Variants in NRG1 observed in about 807,000 individuals in gnomAD.
NRG1 encodes the protein neuregulin 1, also known as pro-neuregulin-1, membrane-bound isoform.
Under a neutral mutation model 63.8 loss-of-function variants are expected in NRG1, and 18 were observed. That is an observed-to-expected ratio of 0.28 (90% CI 0.19 to 0.42). The LOEUF (loss-of-function observed/expected upper bound fraction) is 0.42, where lower values mean the gene tolerates loss of function less well. NRG1 is among the 10% of genes least tolerant of loss of function. NRG1 has a pLI of 1.00. For missense variants in NRG1, 762 were observed against 814.7 expected (o/e 0.94, Z 0.79); for synonymous variants, 302 against 301.3 (o/e 1.00, Z -0.02).
At chr8:32,707,753 TA>T (rs1816792343) in intron 5 of NRG1, among the ~76,000 whole-genome samples, 1 of 151,858 alleles carries the variant, frequency 6.6e-6, no homozygotes, top group Non-Finnish European at 1.5e-5. Flanking sequence ...GGAATGTACT[TA>T]AAAAAATTAA....
At chr8:32,555,644 T>C (rs1488056626) in intron 1 of NRG1, among the ~76,000 whole-genome samples, 1 of 152,248 alleles carries the variant, frequency 6.6e-6, no homozygotes, top group South Asian at 2.1e-4. Flanking sequence ...GCTGATTTTT[T>C]GTATTTCTAG....
At chr8:31,786,431 G>A (rs1215342610) in intron 1 of NRG1, among the ~76,000 whole-genome samples, 2 of 152,182 alleles carry the variant, frequency 1.3e-5, no homozygotes, top group Admixed American at 6.5e-5. Flanking sequence ...CAGTTCTGCA[G>A]CTGACACTAG....
Position 31,689,190 on chromosome 8 carries a change from C to A in NRG1, c.37+49759C>A, listed in dbSNP as rs188076038. Among the ~76,000 whole-genome samples the A allele has an allele frequency of 1.9e-3, 294 of 152,262 alleles. 2 individuals carry two copies. The highest frequency in any genetic ancestry group is 6.5e-3 in the Admixed American group (100 of 15,282). On this transcript the variant is annotated intron_variant, in intron 1 of 10. Coordinates refer to the NRG1 transcript ENST00000519301. ...TGATTAACAATCTAAATTCCATATG[C>A]ACCTTTCTTACCACTTGCCATGTAA...
chr8:31,997,027 C>T (rs181990816), intron 1 of NRG1, among the ~76,000 whole-genome samples: 219 of 151,880 alleles, frequency 1.4e-3, no homozygotes, highest in African/African-American at 5.0e-3. Context: ...TTAAGGCAAA[C>T]GTTTCTAGAC....
chr8:32,133,452 A>G (rs1835113587), intron 1 of NRG1, among the ~76,000 whole-genome samples: 1 of 152,084 alleles, frequency 6.6e-6, no homozygotes, highest in Non-Finnish European at 1.5e-5. Context: ...ACAGGAACCC[A>G]TGTGGTTCAA....
chr8:32,137,775 G>A (rs1342496090), intron 1 of NRG1, among the ~76,000 whole-genome samples: 5 of 152,138 alleles, frequency 3.3e-5, no homozygotes, highest in African/African-American at 9.7e-5. Context: ...TGGGTTTCAG[G>A]AAATTGTTTT....
chr8:31,759,262 A>G (rs903399980), intron 1 of NRG1, among the ~76,000 whole-genome samples: 1 of 152,046 alleles, frequency 6.6e-6, no homozygotes, highest in Non-Finnish European at 1.5e-5. Flanking sequence ...CTATTTTATC[A>G]GTGTTTTCTG....
intron 1 of NRG1, among the ~76,000 whole-genome samples, chr8:32,067,512 A>G (rs1371250386): frequency 2.0e-5 from 3 of 152,046 alleles, no homozygotes; most frequent in African/African-American, 7.2e-5. Context: ...TGTATGTTGA[A>G]CCAGCCTTGC....
At chr8:31,764,143 G>C (rs951679634) in intron 1 of NRG1, among the ~76,000 whole-genome samples, 1 of 151,704 alleles carries the variant, frequency 6.6e-6, no homozygotes. Context: ...TCTTGTCTTT[G>C]ACTAGTCAAT....
intron 1 of NRG1, among the ~76,000 whole-genome samples, chr8:32,417,914 A>G (rs1816156026): frequency 6.6e-6 from 1 of 152,072 alleles, no homozygotes; most frequent in African/African-American, 2.4e-5. Context: ...ATTTGTTGTT[A>G]ATCACTTATT....
chr8:32,608,092 G>GTTTTTTTTTGTTTTTTTTT (rs1845600747), intron 3 of NRG1, among the ~76,000 whole-genome samples: 70 of 106,132 alleles, frequency 6.6e-4, no homozygotes, highest in Middle Eastern at 5.6e-3. Context: ...GGTTTTTTTT[G>GTTTTTTTTTGTTTTTTTTT]TTTTTTTTTT....
chr8:31,670,506 TAA>T (rs1807015631), intron 1 of NRG1, among the ~76,000 whole-genome samples: 2 of 152,094 alleles, frequency 1.3e-5, no homozygotes, highest in Non-Finnish European at 2.9e-5. Flanking sequence ...CGAAAGGTGG[TAA>T]ACAGGAAATG....
intron 3 of NRG1, among the ~76,000 whole-genome samples, chr8:32,608,416 C>T (rs1845728029): frequency 6.6e-6 from 1 of 151,924 alleles, no homozygotes; most frequent in South Asian, 2.1e-4. Flanking sequence ...ACTATGTTGC[C>T]CACTGTGGAA....
chr8:32,338,408 T>C (rs1803610923), intron 1 of NRG1, among the ~76,000 whole-genome samples: 1 of 152,184 alleles, frequency 6.6e-6, no homozygotes, highest in African/African-American at 2.4e-5. Context: ...ACTTGGCATG[T>C]GTCATACGAT....
At chr8:31,969,865 G>A (rs962993567) in intron 1 of NRG1, among the ~76,000 whole-genome samples, 4 of 152,150 alleles carry the variant, frequency 2.6e-5, no homozygotes, top group Non-Finnish European at 1.5e-5. Flanking sequence ...GGAAGTGTAT[G>A]TGACAAAGAT....
At chr8:31,699,293 G>A (rs917030864) in intron 1 of NRG1, among the ~76,000 whole-genome samples, 2 of 151,986 alleles carry the variant, frequency 1.3e-5, no homozygotes, top group Non-Finnish European at 2.9e-5. Flanking sequence ...AGCCCTTTTA[G>A]AAGCCCAGGT....
At position 32,728,842 on chromosome 8, in the gene NRG1, G is replaced by C. The variant is rs188710926; in HGVS notation, c.632+764G>C. On this transcript the variant is annotated intron_variant, in intron 6 of 11. Transcript: ENST00000356819. ...GCACTTTGGGAGGCCGAGGCGGGCAGATCACGAGGTCAGGAGATTGAGACC... is the reference window on the plus strand; with the variant it reads ...GCACTTTGGGAGGCCGAGGCGGGCACATCACGAGGTCAGGAGATTGAGACC... Among the ~76,000 whole-genome samples the C allele has an allele frequency of 1.9e-4, 29 of 152,208 alleles. No homozygotes were observed. The East Asian group carries it at 5.4e-3, about 29-fold the overall frequency.
intron 5 of NRG1, among the ~76,000 whole-genome samples, chr8:32,660,068 C>A (rs529735755): frequency 2.6e-5 from 4 of 152,248 alleles, no homozygotes; most frequent in Non-Finnish European, 4.4e-5. Context: ...ATTTTTATGA[C>A]CTGTATAGTA....
chr8:32,352,272 G>A (rs1388088677), intron 1 of NRG1, among the ~76,000 whole-genome samples: 2 of 150,976 alleles, frequency 1.3e-5, no homozygotes, highest in African/African-American at 2.4e-5. Flanking sequence ...TGAGACAGAA[G>A]GGACATTAAC....
Sources: allele counts gnomAD v4.1 joint callset (sites outside exome capture counted in the v4.1 genomes callset), GRCh38; gene constraint gnomAD v4.1.1; transcripts MANE v1.5; gene names NCBI Gene and HGNC (gene_info 2026-07-23, HGNC 2026-07-21).